The following EIF2AK4 variants were observed in gnomAD, a reference collection of about 807,000 sequenced individuals.
The protein encoded by EIF2AK4 is eIF-2-alpha kinase GCN2.
A neutral mutation model predicts 211.1 loss-of-function variants in EIF2AK4; 139 were observed. That is an observed-to-expected ratio of 0.66 (90% CI 0.57 to 0.76). The LOEUF is 0.76. EIF2AK4 is among the 30% of genes least tolerant of loss of function. EIF2AK4 has a pLI of 0.00. For synonymous variants in EIF2AK4, 710 were observed against 751.3 expected (o/e 0.94, Z 0.90); for missense variants, 1,664 against 2,043.8 (o/e 0.81, Z 3.58).
chr15:40,003,950 T>C (rs537946973), intron 23 of EIF2AK4, among the ~76,000 whole-genome samples: 1 of 152,314 alleles, frequency 6.6e-6, no homozygotes, highest in Admixed American at 6.5e-5. Flanking sequence ...AGTGGAGACA[T>C]GAGCAAAGGA....
At chr15:40,019,795 A>C (rs1325189935) in intron 30 of EIF2AK4, among the ~76,000 whole-genome samples, 2 of 151,930 alleles carry the variant, frequency 1.3e-5, no homozygotes, top group East Asian at 3.9e-4. Flanking sequence ...CCTTCCCTAG[A>C]CTCATTTTCC....
intron 6 of EIF2AK4, among the ~76,000 whole-genome samples, chr15:39,959,206 G>C (rs924490732): frequency 6.6e-6 from 1 of 152,156 alleles, no homozygotes; most frequent in Non-Finnish European, 1.5e-5. Flanking sequence ...AACACCATTT[G>C]TTTGCACTGT....
chr15:39,936,557 T>C (rs2034067825), intron 1 of EIF2AK4, among the ~76,000 whole-genome samples: 1 of 152,056 alleles, frequency 6.6e-6, no homozygotes, highest in Non-Finnish European at 1.5e-5. Context: ...GGATTACAGG[T>C]ACCCGCCTCC....
chr15:40,010,958 C>G (rs554677384), intron 26 of EIF2AK4, among the ~76,000 whole-genome samples: 1 of 152,316 alleles, frequency 6.6e-6, no homozygotes, highest in Non-Finnish European at 1.5e-5. Context: ...GTTAGGGGAG[C>G]CCAGAGCAAA....
chr15:39,946,985 C>G (rs1373887895), intron 3 of EIF2AK4: 4 of 207,172 alleles, frequency 1.9e-5, no homozygotes, highest in African/African-American at 9.3e-5. Context: ...ACTGGGAAAC[C>G]AAAAACTTTG....
At chr15:40,018,562 T>A (rs1298431682) in intron 29 of EIF2AK4, among the ~76,000 whole-genome samples, 1 of 152,186 alleles carries the variant, frequency 6.6e-6, no homozygotes, top group African/African-American at 2.4e-5. Context: ...CTGCAAGCAA[T>A]CCTCCTGCCT....
intron 13 of EIF2AK4, among the ~76,000 whole-genome samples, chr15:39,981,926 T>C (rs1199394961): frequency 8.0e-6 from 1 of 124,750 alleles, no homozygotes; most frequent in Non-Finnish European, 1.6e-5. Flanking sequence ...TGTGGTCACT[T>C]TTTTTTTTTT....
rs2034269694 is a variant in EIF2AK4 at position 39,949,151 on chromosome 15, A to G, written c.396A>G (p.Ser132=). 1 of 1,613,902 alleles carries G rather than the reference A, an allele frequency of 6.2e-7. No homozygotes were observed. Among genetic ancestry groups the G allele is most frequent in the African/African-American group, 1.3e-5 (1 of 74,856 alleles). The change falls in exon 4 of 39, where the codon TCA becomes TCG. Residue 132 remains serine, a synonymous_variant. Transcript: ENST00000263791. ...MIFELAYHVQ[S]FLSEHNKPPP... is the part of the protein sequence containing the mutation. ...TTGAACTGGCTTACCACGTGCAGTCATTTCTCAGCGAGCATAACAAGCCCC... is the reference window on the plus strand; with the variant it reads ...TTGAACTGGCTTACCACGTGCAGTCGTTTCTCAGCGAGCATAACAAGCCCC...
chr15:39,999,389 G>T (rs2035063303), intron 20 of EIF2AK4, among the ~76,000 whole-genome samples: 1 of 152,054 alleles, frequency 6.6e-6, no homozygotes, highest in Non-Finnish European at 1.5e-5. Context: ...AGTGCCAGTT[G>T]TTTGTCTTGG....
chr15:39,977,481 CAGG>C (rs1237140299), intron 12 of EIF2AK4: 2 of 101,072 alleles, frequency 2.0e-5, no homozygotes, highest in Non-Finnish European at 4.7e-5. Context: ...GCGGCCCTAA[CAGG>C]CAGTGGACCT....
chr15:39,981,608 C>CT (rs58381652), intron 13 of EIF2AK4, among the ~76,000 whole-genome samples: 43 of 146,830 alleles, frequency 2.9e-4, no homozygotes, highest in Middle Eastern at 3.5e-3. Context: ...CAGAGCAGAG[C>CT]TTTTTTTTTT....
intron 15 of EIF2AK4, among the ~76,000 whole-genome samples, chr15:39,988,497 C>T (rs2034897156): frequency 6.6e-6 from 1 of 152,142 alleles, no homozygotes; most frequent in Non-Finnish European, 1.5e-5. Context: ...TGTCAGTGCT[C>T]CCAAGGTTAT....
At chr15:40,029,335 T>C in intron 33 of EIF2AK4, 71 bp from the exon 34 acceptor site, 1 of 1,584,956 alleles carries the variant, frequency 6.3e-7, no homozygotes, top group South Asian at 1.1e-5. Flanking sequence ...ATACATGTAG[T>C]TCACTGTAAG....
intron 24 of EIF2AK4, among the ~76,000 whole-genome samples, chr15:40,007,314 A>C (rs1246357004): frequency 6.6e-6 from 1 of 152,174 alleles, no homozygotes; most frequent in Non-Finnish European, 1.5e-5. Context: ...GTACCTTCTA[A>C]ATGTCCCCAA....
chr15:40,003,506 T>G (rs1191334688), intron 23 of EIF2AK4, among the ~76,000 whole-genome samples, 192 bp downstream of exon 23: 2 of 152,212 alleles, frequency 1.3e-5, no homozygotes, highest in African/African-American at 4.8e-5. Flanking sequence ...GCCTCCACCT[T>G]CCTAATAGCT....
chr15:39,960,507 T>C (rs959497952), intron 6 of EIF2AK4, among the ~76,000 whole-genome samples: 2 of 152,032 alleles, frequency 1.3e-5, no homozygotes, highest in African/African-American at 4.8e-5. Context: ...AAAAATCAGG[T>C]TTAGAGCGAG....
At chr15:40,022,651 C>A (rs2035407278) in intron 32 of EIF2AK4, 46 bp downstream of exon 32, 1 of 1,557,142 alleles carries the variant, frequency 6.4e-7, no homozygotes, top group African/African-American at 1.4e-5. Context: ...TAGGTGTTAC[C>A]TGTGGAGCAC....
Position 39,988,006 on chromosome 15 carries a change from T to A in EIF2AK4, c.2427T>A (p.Thr809=). ...YIQMEYCEKS[T]LRDTIDQGLY... is the part of the protein sequence containing the mutation. Reference sequence around the variant, plus strand: ...AGATGGAGTACTGTGAGAAGAGCACTTTACGAGACACCATTGACCAGGGAC... The same window carrying A: ...AGATGGAGTACTGTGAGAAGAGCACATTACGAGACACCATTGACCAGGGAC... The change falls in exon 15 of 39, where the codon ACT becomes ACA. Residue 809 remains threonine, a synonymous_variant. Transcript: ENST00000263791. The A allele has an allele frequency of 6.2e-7, 1 of 1,614,194 alleles. No homozygotes were observed. Among genetic ancestry groups the A allele is most frequent in the South Asian group, 1.1e-5 (1 of 91,084 alleles).
intron 6 of EIF2AK4, among the ~76,000 whole-genome samples, chr15:39,957,021 T>C (rs579044): frequency 0.71 from 107,234 of 152,076 alleles, 39,082 homozygotes; most frequent in East Asian, 0.99. Context: ...AACCATTCCT[T>C]TTTAAGATTA....
Sources: allele counts gnomAD v4.1 joint callset (sites outside exome capture counted in the v4.1 genomes callset), GRCh38; gene constraint gnomAD v4.1.1; transcripts MANE v1.5; gene names NCBI Gene and HGNC (gene_info 2026-07-23, HGNC 2026-07-21).